SPTBN1: variants seen among roughly 807,000 people sequenced by gnomAD.
SPTBN1 encodes the protein spectrin beta, non-erythrocytic 1.
Under a neutral mutation model 266.4 loss-of-function variants are expected in SPTBN1, and 32 were observed. The observed-to-expected ratio is 0.12, with a 90% CI of 0.09 to 0.16. The LOEUF is 0.16. Ranked by LOEUF, SPTBN1 falls within the 10% of genes least tolerant of loss-of-function variation. The probability of loss-of-function intolerance (pLI) is 1.00; values close to 1 mark genes in which losing one functional copy is unlikely to be tolerated. For synonymous variants in SPTBN1, 1,336 were observed against 1,162.2 expected (o/e 1.15, Z -3.04); for missense variants, 2,296 against 3,067.1 (o/e 0.75, Z 5.94).
chr2:54,573,491 C>T lies in SPTBN1; in HGVS notation c.149-25601C>T, dbSNP rs528600600. ...CACCACTCACCTCCTGCTGTGTGGCCGGTTCCTAATAGGTCACGGGCCAGG... is the reference window on the plus strand; with the variant it reads ...CACCACTCACCTCCTGCTGTGTGGCTGGTTCCTAATAGGTCACGGGCCAGG... On this transcript the variant is annotated intron_variant, in intron 2 of 35. Transcript: ENST00000356805. 6.6e-5 allele frequency among the ~76,000 whole-genome samples: 10 copies of T among 152,282 alleles called. No individual in the cohort carries two copies. The South Asian group carries it at 1.9e-3, about 28-fold the overall frequency.
intron 3 of SPTBN1, among the ~76,000 whole-genome samples, chr2:54,601,680 C>CATTTT (rs1676508516): frequency 1.3e-5 from 2 of 152,180 alleles, no homozygotes; most frequent in Non-Finnish European, 2.9e-5. Context: ...TGTCAGCCAG[C>CATTTT]ATTTTAGCCC....
rs897840560 is a variant in SPTBN1, at chr2:54,628,068, A to G, written c.1645-29A>G. 1 of 1,589,266 alleles carries G rather than the reference A, an allele frequency of 6.3e-7. No individual in the cohort carries two copies. Among genetic ancestry groups the G allele is most frequent in the Non-Finnish European group, 8.6e-7 (1 of 1,167,114 alleles). On this transcript the variant is annotated intron_variant, in intron 12 of 35. Transcript: ENST00000356805. This position sits in a 1 kb window ranked among gnomAD's most constrained non-coding sequence, Gnocchi z 4.3. ...GCTGAAGTCAAGGCTATAGTCACAG[A>G]TGTCCTTTTGGTTGCTTCTTGTGCA...
intron 3 of SPTBN1, among the ~76,000 whole-genome samples, chr2:54,604,048 G>GT (rs1339083410): frequency 1.3e-5 from 2 of 152,158 alleles, no homozygotes; most frequent in African/African-American, 4.8e-5. Context: ...GGTAGATATG[G>GT]TAAGTCAGGG....
chr2:54,463,111 A>G (rs1171450652), intron 1 of SPTBN1, among the ~76,000 whole-genome samples: 1 of 152,190 alleles, frequency 6.6e-6, no homozygotes, highest in East Asian at 1.9e-4. Context: ...AAGTAAAGGG[A>G]GCAAGTTACA....
intron 2 of SPTBN1, among the ~76,000 whole-genome samples, chr2:54,539,101 A>G (rs1214782409): frequency 6.6e-6 from 1 of 152,128 alleles, no homozygotes; most frequent in African/African-American, 2.4e-5. Context: ...TCATGTGTGT[A>G]CTTAGGTGGG....
intron 1 of SPTBN1, among the ~76,000 whole-genome samples, chr2:54,458,816 A>G (rs1184774956): frequency 6.6e-6 from 1 of 152,216 alleles, no homozygotes; most frequent in East Asian, 1.9e-4. Flanking sequence ...TGCTAGTTGG[A>G]AGGGAAGGTC....
rs529178921 is a variant in SPTBN1, at chr2:54,542,359, G to A, written c.148+15793G>A. 1.1e-4 allele frequency among the ~76,000 whole-genome samples: 17 copies of A among 152,372 alleles called. No homozygotes were observed. In the South Asian group the frequency reaches 3.3e-3, roughly 30 times the overall value. On this transcript the variant is annotated intron_variant, in intron 2 of 35. Coordinates refer to ENST00000356805, the MANE Select transcript of SPTBN1 (RefSeq NM_003128.3). ...GAAGGAGCTCAAGGCAGGACTATAG[G>A]AGTGAACGAGGAGTGCCGTGGTGCC...
chr2:54,490,181 C>G (rs1157164549), intron 1 of SPTBN1, among the ~76,000 whole-genome samples: 1 of 151,338 alleles, frequency 6.6e-6, no homozygotes, highest in Non-Finnish European at 1.5e-5. Context: ...AAGCGATTCT[C>G]TTCTTTCAGC....
rs537594040 is a variant in SPTBN1 at position 54,595,525 on chromosome 2, C to T, written c.149-3567C>T. ...GAAATGGTGTGAGGCACAGAAGTGC[C>T]CACCTCACATCGCCCAGACCCAGCC... On this transcript the variant is annotated intron_variant, in intron 2 of 35. Coordinates refer to ENST00000356805, the MANE Select transcript of SPTBN1 (RefSeq NM_003128.3). Among the ~76,000 whole-genome samples the T allele has an allele frequency of 2.0e-5, 3 of 152,352 alleles. 1 individual carries two copies. Among genetic ancestry groups the T allele is most frequent in the African/African-American group, 7.2e-5 (3 of 41,586 alleles).
chr2:54,538,054 A>T (rs1423541240), intron 2 of SPTBN1, among the ~76,000 whole-genome samples: 2 of 152,200 alleles, frequency 1.3e-5, no homozygotes, highest in African/African-American at 4.8e-5. Context: ...TTTCAGATAG[A>T]CTGATGTTCT....
intron 1 of SPTBN1, among the ~76,000 whole-genome samples, chr2:54,500,299 T>C (rs926441930): frequency 1.3e-5 from 2 of 152,226 alleles, no homozygotes; most frequent in African/African-American, 4.8e-5. Flanking sequence ...TGGAAACTTC[T>C]AGATCACTTG....
Position 54,504,094 on chromosome 2 carries a change from T to C in SPTBN1, c.-47-22278T>C, listed in dbSNP as rs192309118. On this transcript the variant is annotated intron_variant, in intron 1 of 35. Coordinates refer to ENST00000356805, the MANE Select transcript of SPTBN1 (RefSeq NM_003128.3). The stretch of plus-strand genomic sequence containing the variant: ...AAGTGCACTGGGTGGGACTGACTTG[T>C]TCAAATCTCCGTTAAAGCAAATGTC... 6.4e-3 allele frequency among the ~76,000 whole-genome samples: 968 copies of C among 152,326 alleles called. 5 individuals are homozygous for C. Among genetic ancestry groups the C allele is most frequent in the Non-Finnish European group, 9.4e-3 (642 of 68,030 alleles).
chr2:54,570,176 G>A (rs1317445776), intron 2 of SPTBN1, among the ~76,000 whole-genome samples: 1 of 152,120 alleles, frequency 6.6e-6, no homozygotes, highest in Non-Finnish European at 1.5e-5. Flanking sequence ...CATATTAACT[G>A]CCCCCCATGG....
Position 54,661,038 on chromosome 2 carries a change from C to G in SPTBN1, c.6420+1039C>G, listed in dbSNP as rs532701301. 3 of 985,360 alleles carry G rather than the reference C, an allele frequency of 3.0e-6. No homozygotes were observed. The East Asian group carries it at 3.4e-4, about 112-fold the overall frequency. 61.0% of individuals were successfully genotyped at this position (985,360 alleles called of 1,614,324 possible). Reference sequence around the variant, plus strand: ...GCACTTGGTGGACCGTGCCTGGGAGCGCTCGCATGCCCCCTGGCTTCAGAA... The same window carrying G: ...GCACTTGGTGGACCGTGCCTGGGAGGGCTCGCATGCCCCCTGGCTTCAGAA... On this transcript the variant is annotated intron_variant, in intron 32 of 35. Transcript: ENST00000356805.
At chr2:54,627,421 A>G (rs1678423814) in intron 12 of SPTBN1, among the ~76,000 whole-genome samples, 1 of 152,218 alleles carries the variant, frequency 6.6e-6, no homozygotes, top group Non-Finnish European at 1.5e-5. Flanking sequence ...AAGAAACAAG[A>G]AAATATCAGT....
At chr2:54,517,442 G>A (rs1558797342) in intron 1 of SPTBN1, among the ~76,000 whole-genome samples, 1 of 152,038 alleles carries the variant, frequency 6.6e-6, no homozygotes, top group Non-Finnish European at 1.5e-5. Flanking sequence ...AAGAAAATCT[G>A]ATAATCATAG....
intron 2 of SPTBN1, among the ~76,000 whole-genome samples, chr2:54,532,124 C>T (rs1334134809): frequency 6.6e-6 from 1 of 152,056 alleles, no homozygotes; most frequent in Non-Finnish European, 1.5e-5. Flanking sequence ...CCCATCTCTG[C>T]TAAAAATACA....
intron 4 of SPTBN1, among the ~76,000 whole-genome samples, chr2:54,613,725 C>T (rs1028259574): frequency 1.3e-5 from 2 of 152,206 alleles, no homozygotes; most frequent in Non-Finnish European, 2.9e-5. Flanking sequence ...AGATAGAACT[C>T]TTACATTTCT....
intron 1 of SPTBN1, among the ~76,000 whole-genome samples, chr2:54,479,816 A>T (rs532844706): frequency 6.6e-6 from 1 of 152,246 alleles, no homozygotes; most frequent in South Asian, 2.1e-4. Flanking sequence ...TTAAGTATTC[A>T]GTTCGCTTTC....
Sources: gnomAD v4.1 joint callset for allele counts (sites outside exome capture counted in the v4.1 genomes callset) on GRCh38, gnomAD v4.1.1 for gene constraint, Gnocchi (gnomAD v3.1) non-coding constraint, MANE v1.5 for transcripts, NCBI Gene and HGNC (gene_info 2026-07-23, HGNC 2026-07-21) for gene names.